Variants in PPM1E observed in about 807,000 individuals in gnomAD.
PPM1E encodes protein phosphatase, Mg2+/Mn2+ dependent 1E.
Under a neutral mutation model 65.9 loss-of-function variants are expected in PPM1E, and 20 were observed. The ratio of observed to expected loss-of-function variants is 0.30; its 90% CI spans 0.21 to 0.44. The LOEUF (loss-of-function observed/expected upper bound fraction) is 0.44, where lower values mean the gene tolerates loss of function less well. Ranked by LOEUF, PPM1E falls within the 20% of genes least tolerant of loss-of-function variation. The pLI is 1.00. For missense variants in PPM1E, 713 were observed against 953.1 expected, an observed-to-expected ratio of 0.75 and a Z score of 3.32; for synonymous variants, 352 against 374.9, an observed-to-expected ratio of 0.94 and a Z score of 0.70.
At chr17:58,871,442 A>G (rs1032228324) in intron 1 of PPM1E, among the ~76,000 whole-genome samples, 2 of 152,174 alleles carry the variant, frequency 1.3e-5, no homozygotes, top group Admixed American at 1.3e-4. Context: ...GGTGCCTTTC[A>G]GTTGGCAAGA....
intron 1 of PPM1E, among the ~76,000 whole-genome samples, chr17:58,840,266 A>G (rs1031086506): frequency 3.9e-5 from 6 of 152,182 alleles, no homozygotes; most frequent in Non-Finnish European, 7.3e-5. Flanking sequence ...GCTTGGTCAT[A>G]TAGACATGAT....
At chr17:58,857,775 C>A (rs959316818) in intron 1 of PPM1E, among the ~76,000 whole-genome samples, 4 of 152,034 alleles carry the variant, frequency 2.6e-5, no homozygotes, top group Non-Finnish European at 5.9e-5. Flanking sequence ...ATGATGTCAG[C>A]AGATCATTCA....
intron 1 of PPM1E, among the ~76,000 whole-genome samples, chr17:58,910,614 A>G (rs920315661): frequency 6.6e-6 from 1 of 152,046 alleles, no homozygotes; most frequent in African/African-American, 2.4e-5. Flanking sequence ...CCCTTTAGTA[A>G]TGTGGTGATA....
Position 58,756,124 on chromosome 17 carries a change from C to CCCGAGT in PPM1E, c.133_138dup (p.Ser45_Glu46dup). The CCCGAGT allele has an allele frequency of 6.2e-7, 1 of 1,608,388 alleles. No individual in the cohort carries two copies. Among genetic ancestry groups the CCCGAGT allele is most frequent in the Non-Finnish European group, 8.5e-7 (1 of 1,177,480 alleles). ...ACCCGAACCCGAACCCGAACCCGAA[C>CCCGAGT]CCGAGTCCGAGCCCGAGCCCGAACC... On this transcript the variant is annotated inframe_insertion, in exon 1 of 7. Coordinates refer to ENST00000308249, the MANE Select transcript of PPM1E (RefSeq NM_014906.5).
chr17:58,781,898 A>T (rs544916133), intron 1 of PPM1E, among the ~76,000 whole-genome samples: 1 of 152,280 alleles, frequency 6.6e-6, no homozygotes, highest in Admixed American at 6.5e-5. Flanking sequence ...AAGAAAAAAA[A>T]AATAAAATAA....
chr17:58,763,380 T>C (rs1313391440), intron 1 of PPM1E, among the ~76,000 whole-genome samples: 3 of 152,150 alleles, frequency 2.0e-5, no homozygotes, highest in African/African-American at 4.8e-5. Context: ...ATCACTTCTG[T>C]TCATTTTCCA....
intron 1 of PPM1E, among the ~76,000 whole-genome samples, chr17:58,917,846 T>C (rs1338915869): frequency 2.0e-5 from 3 of 152,214 alleles, no homozygotes; most frequent in African/African-American, 7.2e-5. Flanking sequence ...AGTCAAACTA[T>C]AATTTTATTC....
At chr17:58,970,921 T>C (rs1392736263) in intron 4 of PPM1E, among the ~76,000 whole-genome samples, 1 of 152,108 alleles carries the variant, frequency 6.6e-6, no homozygotes, top group Non-Finnish European at 1.5e-5. Flanking sequence ...GTCTTCTTCA[T>C]CCTCTATTCT....
chr17:58,846,091 T>C (rs1032824208), intron 1 of PPM1E, among the ~76,000 whole-genome samples: 1 of 152,208 alleles, frequency 6.6e-6, no homozygotes, highest in African/African-American at 2.4e-5. Flanking sequence ...ATGTTTTAGC[T>C]ACTGTGAATA....
At position 58,940,778 on chromosome 17, in the gene PPM1E, G is replaced by A. The variant is rs1029557475; in HGVS notation, c.465-14871G>A. On this transcript the variant is annotated intron_variant, in intron 1 of 6. Coordinates refer to ENST00000308249, the MANE Select transcript of PPM1E (RefSeq NM_014906.5). ...CAGGCTGGAGTGCAGTGGTGTGATC[G>A]GGACTCACTGCAACCTGCACCTCCC... is the stretch of plus-strand genomic sequence containing the variant. 2.0e-5 allele frequency among the ~76,000 whole-genome samples: 3 copies of A among 151,980 alleles called. No homozygotes were observed. In the East Asian group the frequency reaches 5.8e-4, roughly 29 times the overall value.
intron 6 of PPM1E, among the ~76,000 whole-genome samples, chr17:58,978,493 C>T (rs1021905980): frequency 2.6e-5 from 4 of 152,048 alleles, no homozygotes; most frequent in African/African-American, 9.7e-5. Context: ...GGCAGATTAT[C>T]AGAGGTCAGG....
At position 58,980,743 on chromosome 17, in the gene PPM1E, G is replaced by A. The variant is rs61739451; in HGVS notation, c.1980G>A (p.Pro660=). 4.8e-4 allele frequency: 769 copies of A among 1,614,094 alleles called. 6 individuals carry two copies. The African/African-American group carries it at 8.0e-3, about 17-fold the overall frequency. The part of the protein sequence containing the change: ...SGLENEQFKS[P]GNRVSRLSHL... ...TGGAAAATGAACAGTTCAAATCCCCGGGAAACAGAGTTTCTAGATTGTCTC... is the reference window on the plus strand; with the variant it reads ...TGGAAAATGAACAGTTCAAATCCCCAGGAAACAGAGTTTCTAGATTGTCTC... Residue 660 remains proline (P), a synonymous_variant, in exon 7 of 7, where the codon CCG becomes CCA. Coordinates refer to ENST00000308249, the MANE Select transcript of PPM1E (RefSeq NM_014906.5). This position sits in a 1 kb window ranked among gnomAD's most constrained non-coding sequence, Gnocchi z 4.7.
At chr17:58,976,378 A>C (rs959479945) in intron 6 of PPM1E, among the ~76,000 whole-genome samples, 1 of 152,194 alleles carries the variant, frequency 6.6e-6, no homozygotes, top group South Asian at 2.1e-4. Context: ...CCATTTACCA[A>C]AATCCAGTAG....
At position 58,755,898 on chromosome 17, in the gene PPM1E, T is replaced by C. The variant is rs2049753021; in HGVS notation, c.-100T>C. 5 of 1,541,994 alleles carry C rather than the reference T, an allele frequency of 3.2e-6. No homozygotes were observed. The Middle Eastern group carries it at 6.2e-4, about 191-fold the overall frequency. ...CTGATCGCTCGTGCCGGTGCGGCCG[T>C]TAACCGCCCTTGCCGGAGCCCTAGG... On this transcript the variant is annotated 5_prime_UTR_variant, in exon 1 of 7. Transcript: ENST00000308249.
chr17:58,959,940 A>C (rs975244967), intron 2 of PPM1E, among the ~76,000 whole-genome samples: 1 of 152,228 alleles, frequency 6.6e-6, no homozygotes, highest in African/African-American at 2.4e-5. Flanking sequence ...TAAATTTTAA[A>C]ATATTCTTTA....
intron 1 of PPM1E, among the ~76,000 whole-genome samples, chr17:58,817,136 G>A (rs1021506181): frequency 4.6e-5 from 7 of 151,958 alleles, no homozygotes; most frequent in African/African-American, 1.4e-4. Context: ...TCAATTGTAT[G>A]TCTATACCAC....
At chr17:58,881,277 G>A (rs917994961) in intron 1 of PPM1E, among the ~76,000 whole-genome samples, 2 of 152,084 alleles carry the variant, frequency 1.3e-5, no homozygotes, top group African/African-American at 2.4e-5. Context: ...CCCTGTAATC[G>A]CAGCACTTTG....
intron 1 of PPM1E, among the ~76,000 whole-genome samples, chr17:58,763,223 T>C (rs1247326056): frequency 6.6e-6 from 1 of 152,022 alleles, no homozygotes; most frequent in Non-Finnish European, 1.5e-5. Context: ...TGTGAAGTCA[T>C]TAAGGAACCC....
intron 1 of PPM1E, among the ~76,000 whole-genome samples, chr17:58,932,195 G>A (rs377649828): frequency 1.2e-4 from 18 of 152,258 alleles, no homozygotes; most frequent in South Asian, 2.1e-4. Flanking sequence ...AGGGCCGTGC[G>A]CGGTGGCTCA....
Sources: allele counts gnomAD v4.1 joint callset (sites outside exome capture counted in the v4.1 genomes callset), GRCh38; gene constraint gnomAD v4.1.1; non-coding constraint Gnocchi (gnomAD v3.1); transcripts MANE v1.5; gene names NCBI Gene and HGNC (gene_info 2026-07-23, HGNC 2026-07-21).